The following AIG1 variants were observed in gnomAD, a reference collection of about 807,000 sequenced individuals.
AIG1 encodes the protein androgen-induced gene 1 protein.
In AIG1, 23 loss-of-function variants were observed where a neutral mutation model predicts 31.4. That is an observed-to-expected ratio of 0.73 (90% CI 0.53 to 1.04). The LOEUF (loss-of-function observed/expected upper bound fraction) is 1.04, where lower values mean the gene tolerates loss of function less well. Ranked by LOEUF, AIG1 falls within the 50% of genes least tolerant of loss-of-function variation. The probability of loss-of-function intolerance (pLI) is 0.00; values close to 1 mark genes in which losing one functional copy is unlikely to be tolerated. For synonymous variants in AIG1, 100 were observed against 110.5 expected, an observed-to-expected ratio of 0.90 and a Z score of 0.60; for missense variants, 274 against 295.0, an observed-to-expected ratio of 0.93 and a Z score of 0.52.
chr6:143,079,938 T>C lies in AIG1; in HGVS notation c.141+18872T>C, dbSNP rs182647343. ...CCCTGCCCCATGCTCTCTGGCGATA[T>C]ATGATTTGACTATTTCTTTACCTCC... On this transcript the variant is annotated intron_variant, in intron 1 of 5. Coordinates refer to ENST00000357847, the MANE Select transcript of AIG1 (RefSeq NM_016108.4). Among the ~76,000 whole-genome samples the C allele has an allele frequency of 1.8e-3, 276 of 152,312 alleles. 1 individual carries two copies. The highest frequency in any genetic ancestry group is 6.4e-3 in the African/African-American group (268 of 41,578).
intron 3 of AIG1, among the ~76,000 whole-genome samples, chr6:143,170,876 T>TA (rs34719519): frequency 0.11 from 16,297 of 147,242 alleles, 1,448 homozygotes; most frequent in East Asian, 0.43. Context: ...CCTATTGAAA[T>TA]AAAAAAAAAT....
chr6:143,257,974 C>T (rs1003940887), intron 3 of AIG1, among the ~76,000 whole-genome samples: 1 of 152,106 alleles, frequency 6.6e-6, no homozygotes, highest in African/African-American at 2.4e-5. Flanking sequence ...GTGGCTAGTT[C>T]TTTTTCTAAC....
rs543338627 is a variant in AIG1, at chr6:143,272,554, T to C, written c.400-11556T>C. 8.9e-4 allele frequency among the ~76,000 whole-genome samples: 135 copies of C among 152,340 alleles called. 3 individuals are homozygous for C. The South Asian group carries it at 0.026, about 30-fold the overall frequency. On this transcript the variant is annotated intron_variant, in intron 3 of 5. Coordinates refer to ENST00000357847, the MANE Select transcript of AIG1 (RefSeq NM_016108.4). Reference sequence around the variant, plus strand: ...CCCATTGGCCAGGACTAGAGCTTACTGTGGCCCCGCCTAACTGAGGAAGCA... The same window carrying C: ...CCCATTGGCCAGGACTAGAGCTTACCGTGGCCCCGCCTAACTGAGGAAGCA...
intron 2 of AIG1, among the ~76,000 whole-genome samples, chr6:143,150,078 T>C (rs776323113): frequency 1.3e-5 from 2 of 152,348 alleles, no homozygotes; most frequent in Non-Finnish European, 2.9e-5. Context: ...TTCCCAAAAC[T>C]CTGCTTCATC....
intron 3 of AIG1, chr6:143,187,460 G>C: frequency 6.5e-7 from 1 of 1,535,252 alleles, no homozygotes; most frequent in Non-Finnish European, 8.7e-7. Context: ...TTGAAGTTTG[G>C]CACTCGACAC....
chr6:143,094,022 G>C (rs1030100670), intron 1 of AIG1: 1 of 152,176 alleles, frequency 6.6e-6, no homozygotes, highest in Non-Finnish European at 1.5e-5. Flanking sequence ...AGAGAGACAG[G>C]AAGTAAGCAT....
intron 4 of AIG1, among the ~76,000 whole-genome samples, chr6:143,289,050 G>C (rs541839292): frequency 6.6e-5 from 10 of 152,134 alleles, no homozygotes; most frequent in East Asian, 3.9e-4. Flanking sequence ...AGCCTCATAC[G>C]TGGCAGCCTT....
At chr6:143,082,012 G>C (rs939411529) in intron 1 of AIG1, among the ~76,000 whole-genome samples, 1 of 151,790 alleles carries the variant, frequency 6.6e-6, no homozygotes, top group Non-Finnish European at 1.5e-5. Flanking sequence ...ATCTCTTTAG[G>C]TTTCTGTACA....
At chr6:143,290,357 G>T (rs942234844) in intron 4 of AIG1, among the ~76,000 whole-genome samples, 1 of 152,186 alleles carries the variant, frequency 6.6e-6, no homozygotes, top group Non-Finnish European at 1.5e-5. Flanking sequence ...GTGCTTCCGG[G>T]GTCTTGTGTT....
At chr6:143,239,708 C>T (rs1484531671) in intron 3 of AIG1, among the ~76,000 whole-genome samples, 1 of 152,226 alleles carries the variant, frequency 6.6e-6, no homozygotes, top group Non-Finnish European at 1.5e-5. Flanking sequence ...TATCACAAGA[C>T]CTGACCCATG....
At chr6:143,319,162 A>C (rs1345469714) in intron 4 of AIG1, among the ~76,000 whole-genome samples, 2 of 152,222 alleles carry the variant, frequency 1.3e-5, no homozygotes, top group African/African-American at 4.8e-5. Flanking sequence ...TATATGAAAA[A>C]GACACTTGCA....
chr6:143,342,730 C>A (rs1057294145), downstream of AIG1: 18 of 917,628 alleles, frequency 2.0e-5, no homozygotes, highest in African/African-American at 2.6e-4. Flanking sequence ...GGTGGAATAA[C>A]CTAAGTGATG....
At chr6:143,180,203 A>C (rs1788590420) in intron 3 of AIG1, among the ~76,000 whole-genome samples, 1 of 152,220 alleles carries the variant, frequency 6.6e-6, no homozygotes, top group Non-Finnish European at 1.5e-5. Context: ...CTTTGATATA[A>C]TTCAATCTAA....
intron 3 of AIG1, chr6:143,189,145 GCAATCCT>G (rs1426538662): frequency 1.8e-6 from 1 of 556,228 alleles, no homozygotes; most frequent in Non-Finnish European, 2.3e-6. Context: ...CAGGGCTCAA[GCAATCCT>G]CCTGCCTCAG....
At chr6:143,108,701 T>A (rs897606071) in intron 1 of AIG1, among the ~76,000 whole-genome samples, 2 of 152,200 alleles carry the variant, frequency 1.3e-5, no homozygotes, top group African/African-American at 4.8e-5. Flanking sequence ...TAGTTAGAAA[T>A]GCCTTTAAAA....
intron 3 of AIG1, among the ~76,000 whole-genome samples, chr6:143,180,299 C>G (rs117231186): frequency 6.6e-6 from 1 of 152,158 alleles, no homozygotes; most frequent in Non-Finnish European, 1.5e-5. Flanking sequence ...AAAACAGATG[C>G]AGTTTTAAAG....
rs74757036 is a variant in AIG1, at chr6:143,276,488, G to A, written c.400-7622G>A. Among the ~76,000 whole-genome samples, 820 of 152,218 alleles carry A rather than the reference G, an allele frequency of 5.4e-3. 1 individual carries two copies. The highest frequency in any genetic ancestry group is 8.0e-3 in the Non-Finnish European group (546 of 68,014). Reference sequence around the variant, plus strand: ...CTCAGCCTGGTTTGACAGCCGGCAGGAACAGGTATCCAACATATGCCAAAA... The same window carrying A: ...CTCAGCCTGGTTTGACAGCCGGCAGAAACAGGTATCCAACATATGCCAAAA... On this transcript the variant is annotated intron_variant, in intron 3 of 5. Transcript: ENST00000357847.
chr6:143,220,841 A>C (rs939379056), intron 3 of AIG1, among the ~76,000 whole-genome samples: 4 of 152,178 alleles, frequency 2.6e-5, no homozygotes, highest in Admixed American at 2.0e-4. Flanking sequence ...GTTCTTTCTT[A>C]TCTTGAGCTA....
intron 3 of AIG1, among the ~76,000 whole-genome samples, chr6:143,272,286 A>C (rs1220273795): frequency 6.6e-6 from 1 of 152,202 alleles, no homozygotes; most frequent in Non-Finnish European, 1.5e-5. Flanking sequence ...TAGTAACTTC[A>C]TTCTGAATTC....
Sources: gnomAD v4.1 joint callset for allele counts (sites outside exome capture counted in the v4.1 genomes callset) on GRCh38, gnomAD v4.1.1 for gene constraint, MANE v1.5 for transcripts, NCBI Gene and HGNC (gene_info 2026-07-23, HGNC 2026-07-21) for gene names.